Variants in THRB observed in about 807,000 individuals in gnomAD.
THRB encodes thyroid hormone receptor beta.
THRB carries 12 observed loss-of-function variants against 47.8 expected under a neutral mutation model. The observed-to-expected ratio is 0.25, with a 90% confidence interval of 0.16 to 0.41. The LOEUF (loss-of-function observed/expected upper bound fraction) is 0.41, where lower values mean the gene tolerates loss of function less well. THRB is among the 10% of genes least tolerant of loss of function. THRB has a pLI of 1.00. For missense variants in THRB, 348 were observed against 589.2 expected (o/e 0.59, Z 4.24); for synonymous variants, 218 against 212.2 (o/e 1.03, Z -0.24).
At position 24,127,765 on chromosome 3, in the gene THRB, G is replaced by C. The variant is rs1172634055; in HGVS notation, c.886-8C>G. 13 of 1,614,046 alleles carry C rather than the reference G, an allele frequency of 8.1e-6. No individual in the cohort carries two copies. Among genetic ancestry groups the C allele is most frequent in the Non-Finnish European group, 1.0e-5 (12 of 1,180,030 alleles). On this transcript the variant is annotated splice_polypyrimidine_tract_variant and splice_region_variant and intron_variant, in intron 9 of 10. Coordinates refer to ENST00000646209, the MANE Select transcript of THRB (RefSeq NM_001354712.2). ...CTGGTCTTCACATGGCAGCTGAAAA[G>C]AACCAGTTCATGTCAGCAAAGAACA...
intron 1 of THRB, among the ~76,000 whole-genome samples, chr3:24,362,122 C>G (rs2064116568): frequency 6.6e-6 from 1 of 152,136 alleles, no homozygotes. Flanking sequence ...AATAGCCACA[C>G]TGATTCTTTT....
At chr3:24,131,223 C>CA (rs1201994212) in intron 9 of THRB, among the ~76,000 whole-genome samples, 18 of 152,202 alleles carry the variant, frequency 1.2e-4, no homozygotes, top group Admixed American at 7.8e-4. Context: ...TGTGCACACA[C>CA]ACAAATATTT....
intron 3 of THRB, among the ~76,000 whole-genome samples, chr3:24,231,418 A>G (rs867861304): frequency 6.6e-6 from 1 of 152,138 alleles, no homozygotes; most frequent in South Asian, 2.1e-4. Flanking sequence ...TAAGACTTTA[A>G]AAATAGTGTT....
intron 4 of THRB, among the ~76,000 whole-genome samples, chr3:24,203,476 T>C (rs563136214): frequency 4.6e-5 from 7 of 152,310 alleles, no homozygotes; most frequent in South Asian, 2.1e-4. Flanking sequence ...CATGGAGCAA[T>C]AGTGTCTGAA....
chr3:24,460,946 GC>G (rs1266299636), intron 1 of THRB, among the ~76,000 whole-genome samples: 1 of 152,118 alleles, frequency 6.6e-6, no homozygotes, highest in Admixed American at 6.6e-5. Flanking sequence ...AAGTTGTAAA[GC>G]CCCCCAGAAG....
At chr3:24,196,067 T>C (rs569462647) in intron 4 of THRB, among the ~76,000 whole-genome samples, 1 of 152,260 alleles carries the variant, frequency 6.6e-6, no homozygotes, top group Admixed American at 6.5e-5. Context: ...GCAAAATTTG[T>C]ATGGGGGTGG....
At chr3:24,454,977 T>C (rs1237137313) in intron 1 of THRB, among the ~76,000 whole-genome samples, 1 of 152,176 alleles carries the variant, frequency 6.6e-6, no homozygotes, top group Non-Finnish European at 1.5e-5. Flanking sequence ...AAATATCTTC[T>C]TGACCAAAGT....
chr3:24,227,035 C>A (rs981774151), intron 4 of THRB, among the ~76,000 whole-genome samples: 2 of 152,170 alleles, frequency 1.3e-5, no homozygotes, highest in African/African-American at 2.4e-5. Flanking sequence ...TAGAACTAAT[C>A]CCCACAGCAA....
At chr3:24,128,889 T>C (rs1374411054) in intron 9 of THRB, among the ~76,000 whole-genome samples, 1 of 146,298 alleles carries the variant, frequency 6.8e-6, no homozygotes, top group African/African-American at 2.6e-5. Flanking sequence ...TTTTTTTTTT[T>C]ACCATGGATA....
At chr3:24,306,871 A>G (rs914960199) in intron 2 of THRB, among the ~76,000 whole-genome samples, 23 of 152,208 alleles carry the variant, frequency 1.5e-4, no homozygotes, top group Non-Finnish European at 3.4e-4. Flanking sequence ...ATTAACTGAT[A>G]GAGTTTAATA....
chr3:24,440,785 C>A (rs1396779770), intron 1 of THRB, among the ~76,000 whole-genome samples: 1 of 152,062 alleles, frequency 6.6e-6, no homozygotes, highest in African/African-American at 2.4e-5. Flanking sequence ...ACATGGAATA[C>A]AAATTGTACT....
chr3:24,306,675 A>G (rs112096307), intron 2 of THRB, among the ~76,000 whole-genome samples: 3,489 of 152,260 alleles, frequency 0.023, 111 homozygotes, highest in African/African-American at 0.077. Context: ...GGGTCAAGAA[A>G]CAAAGTGTTA....
chr3:24,206,493 T>G (rs1000418971), intron 4 of THRB, among the ~76,000 whole-genome samples: 1 of 151,956 alleles, frequency 6.6e-6, no homozygotes, highest in African/African-American at 2.4e-5. Flanking sequence ...CTGGGACACA[T>G]TTAAAGCAGT....
In THRB at chr3:24,179,556, A is replaced by C. The variant is rs573515537; in HGVS notation, c.283+10518T>G. On this transcript the variant is annotated intron_variant, in intron 5 of 10. Coordinates refer to ENST00000646209, the MANE Select transcript of THRB (RefSeq NM_001354712.2). Reference sequence around the variant, plus strand: ...TAAACCTGAGATTAATTTAGAACAAAATATAAAAAGGAATTTATAGGTCTG... The same window carrying C: ...TAAACCTGAGATTAATTTAGAACAACATATAAAAAGGAATTTATAGGTCTG... 2.1e-4 allele frequency among the ~76,000 whole-genome samples: 32 copies of C among 152,334 alleles called. 2 individuals carry two copies. In the South Asian group the frequency reaches 6.2e-3, roughly 30 times the overall value.
intron 7 of THRB, 25 bp downstream of exon 7, chr3:24,146,650 A>G (rs747991273): frequency 6.2e-7 from 1 of 1,613,400 alleles, no homozygotes; most frequent in African/African-American, 1.3e-5. Context: ...TTCCTTGAAT[A>G]TGAAGCAAGT....
chr3:24,364,055 C>T (rs922657323), intron 1 of THRB, among the ~76,000 whole-genome samples: 7 of 152,092 alleles, frequency 4.6e-5, no homozygotes, highest in Non-Finnish European at 1.0e-4. Flanking sequence ...TAGAATTCTA[C>T]CTAAGTCTTA....
At chr3:24,199,573 GTTT>G (rs1302337861) in intron 4 of THRB, among the ~76,000 whole-genome samples, 7 of 152,070 alleles carry the variant, frequency 4.6e-5, no homozygotes, top group South Asian at 4.1e-4. Context: ...CACTTCTCTG[GTTT>G]TCCTGTATAT....
At chr3:24,145,615 A>G (rs997571103) in intron 7 of THRB, among the ~76,000 whole-genome samples, 4 of 152,200 alleles carry the variant, frequency 2.6e-5, no homozygotes, top group African/African-American at 9.6e-5. Flanking sequence ...GGATTAACCC[A>G]GGATTTCCAG....
intron 5 of THRB, among the ~76,000 whole-genome samples, chr3:24,173,390 C>T (rs984531967): frequency 3.3e-5 from 5 of 152,188 alleles, no homozygotes; most frequent in African/African-American, 9.6e-5. Context: ...CTAGGAAGAA[C>T]GGCGTGCTCC....
Sources: allele counts gnomAD v4.1 joint callset (sites outside exome capture counted in the v4.1 genomes callset), GRCh38; gene constraint gnomAD v4.1.1; transcripts MANE v1.5; gene names NCBI Gene and HGNC (gene_info 2026-07-23, HGNC 2026-07-21).